DET1: variants seen among roughly 807,000 people sequenced by gnomAD.
The protein encoded by DET1 is DET1 partner of COP1 E3 ubiquitin ligase.
A neutral mutation model predicts 43.7 loss-of-function variants in DET1; 22 were observed. That is an observed-to-expected ratio of 0.50 (90% CI 0.36 to 0.72). The LOEUF is 0.72. DET1 is among the 30% of genes least tolerant of loss of function. The pLI is 0.00. For synonymous variants in DET1, 315 were observed against 266.2 expected (o/e 1.18, Z -1.79); for missense variants, 713 against 713.3 (o/e 1.00, Z 0.00).
chr15:88,523,819 C>T (rs1214186302), intron 3 of DET1, among the ~76,000 whole-genome samples: 3 of 152,172 alleles, frequency 2.0e-5, no homozygotes, highest in Non-Finnish European at 1.5e-5. Context: ...CCTGCCTTGG[C>T]CTCCCAAAGT....
At chr15:88,502,227 T>G (rs80286328) in intron 8 of DET1, 1 of 152,180 alleles carries the variant, frequency 6.6e-6, no homozygotes, top group Admixed American at 6.5e-5. Context: ...ACAGAAACTT[T>G]TAAAGACTAG....
intron 7 of DET1, among the ~76,000 whole-genome samples, chr15:88,507,020 C>A (rs946627956): frequency 1.3e-5 from 2 of 152,146 alleles, no homozygotes; most frequent in Admixed American, 1.3e-4. Flanking sequence ...GCCTTAAATC[C>A]TTTAGGAATA....
At chr15:88,513,622 G>GTTTT (rs34991328) in intron 4 of DET1, among the ~76,000 whole-genome samples, 9 of 115,384 alleles carry the variant, frequency 7.8e-5, no homozygotes, top group African/African-American at 1.9e-4. Flanking sequence ...CTATTAGTGA[G>GTTTT]TTTTTTTTTT....
At chr15:88,526,814 T>C (rs8034393) in intron 3 of DET1, among the ~76,000 whole-genome samples, 3,861 of 152,308 alleles carry the variant, frequency 0.025, 185 homozygotes, top group African/African-American at 0.088. Context: ...AAAGAAGAGA[T>C]AGTCACTTGG....
At chr15:88,506,895 C>T (rs2056147699) in intron 7 of DET1, among the ~76,000 whole-genome samples, 1 of 152,196 alleles carries the variant, frequency 6.6e-6, no homozygotes, top group Admixed American at 6.5e-5. Context: ...GAATCTGGAT[C>T]TGAAAGTCTG....
intron 1 of DET1, among the ~76,000 whole-genome samples, chr15:88,543,889 A>T (rs912825622): frequency 1.3e-5 from 2 of 152,206 alleles, no homozygotes; most frequent in African/African-American, 4.8e-5. Context: ...ATGCCAAGCA[A>T]GGTTCTAAAC....
At chr15:88,528,944 G>C (rs1288711248) in intron 2 of DET1, among the ~76,000 whole-genome samples, 1 of 152,176 alleles carries the variant, frequency 6.6e-6, no homozygotes, top group Non-Finnish European at 1.5e-5. Flanking sequence ...CCTTGTGTTT[G>C]GATGTACTTT....
Position 88,527,591 on chromosome 15 carries a change from C to A in DET1, c.1271+8G>T. The A allele has an allele frequency of 6.3e-7, 1 of 1,584,976 alleles. No individual in the cohort carries two copies. Among genetic ancestry groups the A allele is most frequent in the Non-Finnish European group, 8.6e-7 (1 of 1,164,094 alleles). On this transcript the variant is annotated splice_region_variant and intron_variant, in intron 3 of 4. Coordinates refer to ENST00000268148, the MANE Select transcript of DET1 (RefSeq NM_001144074.3). ...GAAAAGACTGTTGAGTCTGGTGGAACAGCTTACCGGCGCTGGATCTGCCTT... is the reference window on the plus strand; with the variant it reads ...GAAAAGACTGTTGAGTCTGGTGGAAAAGCTTACCGGCGCTGGATCTGCCTT...
At chr15:88,522,222 G>A (rs2056509536) in intron 3 of DET1, among the ~76,000 whole-genome samples, 1 of 152,254 alleles carries the variant, frequency 6.6e-6, no homozygotes. Context: ...CAGATCTCAT[G>A]AGCCAGGACA....
rs1299640298 is a variant in DET1, at chr15:88,530,828, T to C, written c.878A>G (p.Asn293Ser). 2 of 1,613,782 alleles carry C rather than the reference T, an allele frequency of 1.2e-6. No individual in the cohort carries two copies. The highest frequency in any genetic ancestry group is 1.3e-5 in the African/African-American group (1 of 74,876). Residue 293 changes from asparagine to serine, a missense_variant, in exon 2 of 5, where the codon AAT becomes AGT. Coordinates refer to ENST00000268148, the MANE Select transcript of DET1 (RefSeq NM_001144074.3). The stretch of plus-strand genomic sequence containing the variant: ...TACCAGCAACCGGTGTTTGAGGGAA[T>C]TGATGAAAGGATCCCTAAAGGGATT... ...MANPFRDPFI[N>S]SLKHRLLVYL...
At chr15:88,502,519 G>C (rs1156715659) in intron 8 of DET1, 2 of 152,250 alleles carry the variant, frequency 1.3e-5, no homozygotes, top group Non-Finnish European at 2.9e-5. Flanking sequence ...AGCAGCTCAA[G>C]GTGCAGCAGT....
chr15:88,509,436 T>G (rs2056174354), downstream of DET1, among the ~76,000 whole-genome samples: 1 of 152,204 alleles, frequency 6.6e-6, no homozygotes, highest in African/African-American at 2.4e-5. Flanking sequence ...CGATCTTGAG[T>G]GCCCATTTTA....
At chr15:88,543,742 A>C (rs1209761468) in intron 1 of DET1, among the ~76,000 whole-genome samples, 1 of 152,202 alleles carries the variant, frequency 6.6e-6, no homozygotes, top group Non-Finnish European at 1.5e-5. Flanking sequence ...TAACATTTAC[A>C]CTGACAGCAG....
chr15:88,520,089 C>T (rs1346441708), intron 3 of DET1, among the ~76,000 whole-genome samples: 1 of 152,218 alleles, frequency 6.6e-6, no homozygotes, highest in Non-Finnish European at 1.5e-5. Context: ...TGCCAGTGCA[C>T]TAGCACCCAA....
downstream of DET1, chr15:88,512,396 C>G (rs530153630): frequency 1.7e-4 from 164 of 985,548 alleles, 2 homozygotes; most frequent in African/African-American, 2.2e-3. Flanking sequence ...GGCCTCTCAT[C>G]TCTTTCACAG....
At chr15:88,521,117 TTTCCA>T (rs2056478566) in intron 3 of DET1, among the ~76,000 whole-genome samples, 1 of 152,220 alleles carries the variant, frequency 6.6e-6, no homozygotes, top group Non-Finnish European at 1.5e-5. Context: ...TCTGACCCTA[TTTCCA>T]AGTACTCTGC....
At chr15:88,539,498 T>G (rs2057046070) in intron 1 of DET1, among the ~76,000 whole-genome samples, 1 of 151,676 alleles carries the variant, frequency 6.6e-6, no homozygotes, top group Non-Finnish European at 1.5e-5. Context: ...ACTGTTTACC[T>G]GCCCTAGGGT....
At chr15:88,519,955 G>A (rs955183337) in intron 3 of DET1, among the ~76,000 whole-genome samples, 18 of 151,978 alleles carry the variant, frequency 1.2e-4, no homozygotes, top group African/African-American at 7.3e-5. Flanking sequence ...CAATGGCATC[G>A]CTTACTTTGT....
Position 88,523,912 on chromosome 15 carries a change from G to A in DET1, c.1271+3687C>T, listed in dbSNP as rs575918181. On this transcript the variant is annotated intron_variant, in intron 3 of 4. Transcript: ENST00000268148. The stretch of plus-strand genomic sequence containing the variant: ...TGCCTGGCCGCCCATCGTCTGGGAT[G>A]TGAGGAGCCCCTCTGCCCGGCTGCC... Among the ~76,000 whole-genome samples the A allele has an allele frequency of 3.8e-3, 573 of 151,730 alleles. 4 individuals carry two copies. Among genetic ancestry groups the A allele is most frequent in the African/African-American group, 0.013 (539 of 41,332 alleles).
Sources: gnomAD v4.1 joint callset for allele counts (sites outside exome capture counted in the v4.1 genomes callset) on GRCh38, gnomAD v4.1.1 for gene constraint, MANE v1.5 for transcripts, NCBI Gene and HGNC (gene_info 2026-07-23, HGNC 2026-07-21) for gene names.